The following SAG variants were observed in gnomAD, a reference collection of about 807,000 sequenced individuals.
The protein encoded by SAG is S-antigen visual arrestin.
In SAG, 45 loss-of-function variants were observed where a neutral mutation model predicts 55.0. The observed-to-expected ratio is 0.82, with a 90% confidence interval of 0.64 to 1.05. SAG has a LOEUF of 1.05. Ranked by LOEUF, SAG falls within the 50% of genes least tolerant of loss-of-function variation. The probability of loss-of-function intolerance (pLI) is 0.00; values close to 1 mark genes in which losing one functional copy is unlikely to be tolerated. For missense variants in SAG, 455 were observed against 512.1 expected, an observed-to-expected ratio of 0.89 and a Z score of 1.08; for synonymous variants, 189 against 197.4, an observed-to-expected ratio of 0.96 and a Z score of 0.36.
chr2:233,324,039 G>A (rs557633696), intron 6 of SAG, among the ~76,000 whole-genome samples: 41 of 152,082 alleles, frequency 2.7e-4, no homozygotes, highest in Non-Finnish European at 5.6e-4. Context: ...GGTAGAGGGC[G>A]CACCTCGCCT....
chr2:233,329,710 A>AT, intron 9 of SAG, 133 bp downstream of exon 9: 3 of 652,828 alleles, frequency 4.6e-6, no homozygotes, highest in Non-Finnish European at 8.2e-6. Flanking sequence ...CTGCTGTCAT[A>AT]GGCAGCAGGA....
At chr2:233,341,603 A>G (rs1353905779) in intron 13 of SAG, among the ~76,000 whole-genome samples, 1 of 152,244 alleles carries the variant, frequency 6.6e-6, no homozygotes, top group Non-Finnish European at 1.5e-5. Context: ...AAAAGGCCAC[A>G]TATTGTATGA....
rs2304777 is a variant in SAG at position 233,318,877 on chromosome 2, A to T, written c.181+82A>T. ...GGCGGCTCTGGGAAGGGGCATTTAC[A>T]TGGAAGGAGAGACAGGAAGGCAGAG... On this transcript the variant is annotated intron_variant, in intron 4 of 15. Coordinates refer to ENST00000409110, the MANE Select transcript of SAG (RefSeq NM_000541.5). 8.4e-5 allele frequency: 100 copies of T among 1,193,942 alleles called. 1 individual carries two copies. The African/African-American group carries it at 1.4e-3, about 16-fold the overall frequency. The allele number at this position is 1,193,942 out of a possible 1,614,324, so 74.0% of individuals were successfully genotyped here.
At chr2:233,332,171 T>C (rs1193951226) in intron 10 of SAG, 1 of 164,736 alleles carries the variant, frequency 6.1e-6, no homozygotes, top group Admixed American at 6.3e-5. Context: ...TAGCCTGTTG[T>C]TGTGAATGAC....
At chr2:233,318,890 C>G (rs770742814) in intron 4 of SAG, 95 bp downstream of exon 4, 1 of 1,036,788 alleles carries the variant, frequency 9.6e-7, no homozygotes, top group Non-Finnish European at 1.5e-6. Context: ...GAAGGAGAGA[C>G]AGGAAGGCAG....
At chr2:233,315,503 G>T (rs907701906) in intron 2 of SAG, among the ~76,000 whole-genome samples, 3 of 151,584 alleles carry the variant, frequency 2.0e-5, no homozygotes, top group African/African-American at 7.3e-5. Context: ...ATGTTGGCCA[G>T]GCTGGTCTCA....
intron 6 of SAG, among the ~76,000 whole-genome samples, chr2:233,326,818 G>C (rs1170531257): frequency 6.6e-6 from 1 of 152,156 alleles, no homozygotes; most frequent in Non-Finnish European, 1.5e-5. Flanking sequence ...AAGTGTGCAA[G>C]GTGGCAGGAG....
chr2:233,338,835 A>T (rs769254987), intron 12 of SAG, 82 bp downstream of exon 12: 4 of 1,179,828 alleles, frequency 3.4e-6, no homozygotes, highest in Admixed American at 3.4e-5. Context: ...AATGACTGGG[A>T]GACAGAAAGC....
At position 233,328,487 on chromosome 2, in the gene SAG, G is replaced by A; in HGVS notation, c.522G>A (p.Val174=). ...TGGCTGTTTCCCACAGGAGCTCCGTGCGATTACTGATCCGCAAAGTACAGC... is the reference window on the plus strand; with the variant it reads ...TGGCTGTTTCCCACAGGAGCTCCGTACGATTACTGATCCGCAAAGTACAGC... ...EEDKIPKKSS[V]RLLIRKVQHA... is the part of the protein sequence containing the mutation. Residue 174 remains valine (V), a synonymous_variant, in exon 8 of 16, where the codon GTG becomes GTA. Transcript: ENST00000409110. The A allele has an allele frequency of 6.2e-7, 1 of 1,613,406 alleles. No homozygotes were observed. Among genetic ancestry groups the A allele is most frequent in the Non-Finnish European group, 8.5e-7 (1 of 1,179,436 alleles).
chr2:233,329,288 C>A, intron 8 of SAG: 1 of 536,468 alleles, frequency 1.9e-6, no homozygotes, highest in Non-Finnish European at 3.3e-6. Flanking sequence ...GATCGGAACT[C>A]TGTTCCCCTC....
intron 3 of SAG, 124 bp downstream of exon 3, chr2:233,316,259 A>C: frequency 1.8e-6 from 1 of 560,902 alleles, no homozygotes. Context: ...TTAAAACATC[A>C]GTGAGGCGCC....
At chr2:233,334,875 C>A in intron 10 of SAG, 87 bp from the exon 11 acceptor site, 1 of 1,529,678 alleles carries the variant, frequency 6.5e-7, no homozygotes, top group Non-Finnish European at 9.0e-7. Flanking sequence ...GATGTGGATC[C>A]TGGAAAATGC....
At chr2:233,320,276 A>C (rs975424881) in intron 4 of SAG, among the ~76,000 whole-genome samples, 1 of 152,150 alleles carries the variant, frequency 6.6e-6, no homozygotes, top group Non-Finnish European at 1.5e-5. Context: ...TGCCCTCTAG[A>C]ACCTGAGCAG....
Position 233,328,481 on chromosome 2 carries a change from C to T in SAG, c.516C>T (p.Ser172=), listed in dbSNP as rs778890594. Residue 172 remains serine (S), a synonymous_variant, in exon 8 of 16, where the codon AGC becomes AGT. Coordinates refer to ENST00000409110, the MANE Select transcript of SAG (RefSeq NM_000541.5). The part of the protein sequence containing the change: ...DAEEDKIPKK[S]SVRLLIRKVQ... ...TGTCTGTGGCTGTTTCCCACAGGAGCTCCGTGCGATTACTGATCCGCAAAG... is the reference window on the plus strand; with the variant it reads ...TGTCTGTGGCTGTTTCCCACAGGAGTTCCGTGCGATTACTGATCCGCAAAG... The T allele has an allele frequency of 1.9e-6, 3 of 1,612,296 alleles. No homozygotes were observed. Among genetic ancestry groups the T allele is most frequent in the Non-Finnish European group, 2.5e-6 (3 of 1,178,700 alleles).
intron 14 of SAG, chr2:233,345,809 A>G: frequency 6.6e-6 from 1 of 152,670 alleles, no homozygotes; most frequent in East Asian, 1.9e-4. Flanking sequence ...GGGGGGTTTC[A>G]TGTGAGGAGG....
At chr2:233,312,054 A>T (rs1700088860) in intron 2 of SAG, among the ~76,000 whole-genome samples, 2 of 152,148 alleles carry the variant, frequency 1.3e-5, no homozygotes, top group South Asian at 4.1e-4. Context: ...TGAACCTGGG[A>T]GGTGGAGTTT....
chr2:233,326,161 T>C (rs1367927019), intron 6 of SAG, among the ~76,000 whole-genome samples: 1 of 152,156 alleles, frequency 6.6e-6, no homozygotes, highest in Non-Finnish European at 1.5e-5. Flanking sequence ...GGCCAGGGGC[T>C]TCACACACTG....
chr2:233,316,026 T>A, intron 2 of SAG, 49 bp from the exon 3 acceptor site: 1 of 1,172,784 alleles, frequency 8.5e-7, no homozygotes, highest in Non-Finnish European at 1.3e-6. Flanking sequence ...CATGGATGCC[T>A]TAGCTTAGCA....
At chr2:233,330,189 G>A (rs1700703942) in intron 9 of SAG, among the ~76,000 whole-genome samples, 1 of 152,212 alleles carries the variant, frequency 6.6e-6, no homozygotes, top group East Asian at 1.9e-4. Flanking sequence ...GCTCTTTCAT[G>A]AGGAAGACAT....
Sources: gnomAD v4.1 joint callset for allele counts (sites outside exome capture counted in the v4.1 genomes callset) on GRCh38, gnomAD v4.1.1 for gene constraint, MANE v1.5 for transcripts, NCBI Gene and HGNC (gene_info 2026-07-23, HGNC 2026-07-21) for gene names.